The following PIEZO2 variants were observed in gnomAD, a reference collection of about 807,000 sequenced individuals.
PIEZO2 encodes piezo type mechanosensitive ion channel component 2, also known as piezo-type mechanosensitive ion channel component 2.
In PIEZO2, 172 loss-of-function variants were observed where a neutral mutation model predicts 337.3. That is an observed-to-expected ratio of 0.51 (90% CI 0.45 to 0.58). The LOEUF is 0.58. Among genes scored for constraint, PIEZO2 ranks in the 20% least tolerant of loss-of-function variants. The pLI is 0.00. For synonymous variants in PIEZO2, 1,251 were observed against 1,228.5 expected (o/e 1.02, Z -0.38); for missense variants, 3,028 against 3,391.3 (o/e 0.89, Z 2.66).
At position 10,762,515 on chromosome 18, in the gene PIEZO2, C is replaced by G. The variant is rs2038177395; in HGVS notation, c.3234G>C (p.Leu1078=). 1.3e-6 allele frequency: 2 copies of G among 1,537,108 alleles called. No homozygotes were observed. The highest frequency in any genetic ancestry group is 1.7e-6 in the Non-Finnish European group (2 of 1,146,912). ...EWVGLRKSSP[L]LVYLRNNLLM... Reference sequence around the variant, plus strand: ...AAGCCATTACCCTCAGGTAGACTAGCAGAGGCGAAGACTTCCGCAGGCCGA... The same window carrying G: ...AAGCCATTACCCTCAGGTAGACTAGGAGAGGCGAAGACTTCCGCAGGCCGA... The change falls in exon 23 of 56, where the codon CTG becomes CTC. Residue 1078 remains leucine, a synonymous_variant. Coordinates refer to ENST00000674853, the MANE Select transcript of PIEZO2 (RefSeq NM_001378183.1).
chr18:11,014,843 A>C (rs986260715), intron 2 of PIEZO2, among the ~76,000 whole-genome samples: 4 of 141,002 alleles, frequency 2.8e-5, no homozygotes, highest in African/African-American at 1.1e-4. Flanking sequence ...AGTGGAGAAC[A>C]TGTCACCCTG....
chr18:10,853,370 C>A lies in PIEZO2; in HGVS notation c.917+1983G>T, dbSNP rs754119736. ...CAAGTGTACTTCACTTCCTTTCATT[C>A]CTGCTCTAAAGCTTTTTAATACATT... On this transcript the variant is annotated intron_variant, in intron 7 of 55. Coordinates refer to ENST00000674853, the MANE Select transcript of PIEZO2 (RefSeq NM_001378183.1). The surrounding 1 kb of genome is among the most constrained non-coding windows in gnomAD (Gnocchi z 4.2). 6.6e-6 allele frequency among the ~76,000 whole-genome samples: 1 copy of A among 152,228 alleles called. No individual in the cohort carries two copies. The highest frequency in any genetic ancestry group is 2.4e-5 in the African/African-American group (1 of 41,458).
chr18:11,015,233 T>C (rs1327291216), intron 2 of PIEZO2, among the ~76,000 whole-genome samples: 2 of 147,398 alleles, frequency 1.4e-5, no homozygotes, highest in African/African-American at 2.5e-5. Context: ...TTCCTCAGTG[T>C]GGGGAAGATG....
In PIEZO2 at chr18:11,078,780, T is replaced by C. The variant is rs577532664; in HGVS notation, c.65-12558A>G. Among the ~76,000 whole-genome samples, 1 of 152,328 alleles carries C rather than the reference T, an allele frequency of 6.6e-6. No homozygotes were observed. Among genetic ancestry groups the C allele is most frequent in the African/African-American group, 2.4e-5 (1 of 41,586 alleles). On this transcript the variant is annotated intron_variant, in intron 1 of 55. Coordinates refer to ENST00000674853, the MANE Select transcript of PIEZO2 (RefSeq NM_001378183.1). The surrounding 1 kb of genome is among the most constrained non-coding windows in gnomAD (Gnocchi z 5.3). ...ATGAATGCCTCAAAATGAACCTCTTTTGCCAGATCTCTTCAGTCTCTACCT... is the reference window on the plus strand; with the variant it reads ...ATGAATGCCTCAAAATGAACCTCTTCTGCCAGATCTCTTCAGTCTCTACCT...
chr18:10,869,195 G>C (rs2144775518), intron 5 of PIEZO2, among the ~76,000 whole-genome samples: 1 of 152,268 alleles, frequency 6.6e-6, no homozygotes, highest in South Asian at 2.1e-4. Flanking sequence ...TATAGTATTA[G>C]TGTCTCTCTT....
At chr18:10,931,293 G>A (rs904606839) in intron 3 of PIEZO2, among the ~76,000 whole-genome samples, 2 of 152,114 alleles carry the variant, frequency 1.3e-5, no homozygotes, top group Non-Finnish European at 2.9e-5. Flanking sequence ...TCCGCCTCCT[G>A]GGTTCACACC....
At chr18:10,867,283 TCA>T (rs1295180423) in intron 5 of PIEZO2, among the ~76,000 whole-genome samples, 2 of 152,194 alleles carry the variant, frequency 1.3e-5, no homozygotes, top group Non-Finnish European at 2.9e-5. Flanking sequence ...TTGATTTCTC[TCA>T]GTCTTTGTCT....
In PIEZO2 at chr18:10,982,233, G is replaced by C. The variant is rs1178772029; in HGVS notation, c.161-2573C>G. On this transcript the variant is annotated intron_variant, in intron 2 of 55. Coordinates refer to ENST00000674853, the MANE Select transcript of PIEZO2 (RefSeq NM_001378183.1). This position sits in a 1 kb window ranked among gnomAD's most constrained non-coding sequence, Gnocchi z 4.1. The stretch of plus-strand genomic sequence containing the variant: ...CTAGGTGTATTCGGGTTCTCTAGAG[G>C]GACAGGACTAATAAGATAGATGCAT... 6.6e-6 allele frequency among the ~76,000 whole-genome samples: 1 copy of C among 151,982 alleles called. No individual in the cohort carries two copies. Among genetic ancestry groups the C allele is most frequent in the Non-Finnish European group, 1.5e-5 (1 of 68,000 alleles).
Position 11,028,295 on chromosome 18 carries a change from T to C in PIEZO2, c.160+37832A>G, listed in dbSNP as rs1250000995. Among the ~76,000 whole-genome samples the C allele has an allele frequency of 6.6e-6, 1 of 152,112 alleles. No individual in the cohort carries two copies. Among genetic ancestry groups the C allele is most frequent in the Non-Finnish European group, 1.5e-5 (1 of 68,018 alleles). ...TTTTATTTTTTGAGACAGAGTCACT[T>C]TGTTGCCCATGCTGGAGTGCAATGG... On this transcript the variant is annotated intron_variant, in intron 2 of 55. Coordinates refer to ENST00000674853, the MANE Select transcript of PIEZO2 (RefSeq NM_001378183.1). This position sits in a 1 kb window ranked among gnomAD's most constrained non-coding sequence, Gnocchi z 4.8.
At chr18:10,827,793 C>G (rs2040720228) in intron 7 of PIEZO2, among the ~76,000 whole-genome samples, 1 of 152,210 alleles carries the variant, frequency 6.6e-6, no homozygotes, top group Non-Finnish European at 1.5e-5. Context: ...CTTCTCTCTA[C>G]CTGTCCTACT....
At position 10,760,983 on chromosome 18, in the gene PIEZO2, T is replaced by C. The variant is rs760156687; in HGVS notation, c.3378A>G (p.Leu1126=). 5.2e-6 allele frequency: 8 copies of C among 1,534,382 alleles called. No individual in the cohort carries two copies. In the African/African-American group the frequency reaches 8.2e-5, roughly 16 times the overall value. The change falls in exon 24 of 56, where the codon CTA becomes CTG. Residue 1126 remains leucine, a synonymous_variant. Coordinates refer to ENST00000674853, the MANE Select transcript of PIEZO2 (RefSeq NM_001378183.1). The part of the protein sequence containing the change: ...SRTIFHDITR[L]HLDDGLINCA... ...AATTAATAAGTCCATCATCTAGATG[T>C]AGTCTTGTAATGTCATGAAAGATAG...
At chr18:11,064,154 T>C (rs954459390) in intron 2 of PIEZO2, among the ~76,000 whole-genome samples, 2 of 152,202 alleles carry the variant, frequency 1.3e-5, no homozygotes, top group Non-Finnish European at 2.9e-5. Flanking sequence ...TAACACAAGA[T>C]GCCTCAAAAC....
In PIEZO2 at chr18:10,715,823, G is replaced by A. The variant is rs1450139134; in HGVS notation, c.5090-7C>T. 6.6e-7 allele frequency: 1 copy of A among 1,512,456 alleles called. No homozygotes were observed. The highest frequency in any genetic ancestry group is 2.5e-5 in the East Asian group (1 of 40,700). 93.7% of individuals were successfully genotyped at this position (1,512,456 alleles called of 1,614,324 possible). A position where few individuals can be genotyped will look rare whatever the true frequency, so the allele number is the denominator to read the frequency against. On this transcript the variant is annotated splice_region_variant and splice_polypyrimidine_tract_variant and intron_variant, in intron 37 of 55. Transcript: ENST00000674853. ...ATCCTCTTGATGATATTATCTAGGAGGAAGAAAGGCAACAAGATGTTAAAG... is the reference window on the plus strand; with the variant it reads ...ATCCTCTTGATGATATTATCTAGGAAGAAGAAAGGCAACAAGATGTTAAAG...
Position 10,672,280 on chromosome 18 carries a change from G to A in PIEZO2, c.8345+410C>T, listed in dbSNP as rs118159800. Among the ~76,000 whole-genome samples, 819 of 152,244 alleles carry A rather than the reference G, an allele frequency of 5.4e-3. 8 individuals are homozygous for A. Among genetic ancestry groups the A allele is most frequent in the Middle Eastern group, 0.014 (4 of 294 alleles). ...ACATTTGTGTCTTGTGGGGATGTGCGTGTCCTAGGATTTAAGCATCAGAAC... is the reference window on the plus strand; with the variant it reads ...ACATTTGTGTCTTGTGGGGATGTGCATGTCCTAGGATTTAAGCATCAGAAC... On this transcript the variant is annotated intron_variant, in intron 55 of 55. Coordinates refer to ENST00000674853, the MANE Select transcript of PIEZO2 (RefSeq NM_001378183.1). This position sits in a 1 kb window ranked among gnomAD's most constrained non-coding sequence, Gnocchi z 4.7.
In PIEZO2 at chr18:11,131,655, T is replaced by G. The variant is rs976801833; in HGVS notation, c.64+16870A>C. Among the ~76,000 whole-genome samples the G allele has an allele frequency of 6.6e-6, 1 of 152,206 alleles. No individual in the cohort carries two copies. Among genetic ancestry groups the G allele is most frequent in the Non-Finnish European group, 1.5e-5 (1 of 68,036 alleles). On this transcript the variant is annotated intron_variant, in intron 1 of 55. Transcript: ENST00000674853. This position sits in a 1 kb window ranked among gnomAD's most constrained non-coding sequence, Gnocchi z 5.3. ...TGTGATTATATACTGATTAATGGGA[T>G]GTAGCCAATGTTTTGGCTGGATGGT...
At chr18:10,791,567 G>A (rs1168914842) in intron 13 of PIEZO2, 1 of 279,546 alleles carries the variant, frequency 3.6e-6, no homozygotes, top group African/African-American at 2.2e-5. Context: ...TGAGGAAGAT[G>A]AACCCAACCT....
intron 47 of PIEZO2, among the ~76,000 whole-genome samples, chr18:10,694,907 G>T (rs1210708361): frequency 6.6e-6 from 1 of 152,102 alleles, no homozygotes; most frequent in African/African-American, 2.4e-5. Flanking sequence ...AGTTCCAGAG[G>T]AGGCTTTCAG....
chr18:10,757,003 A>T, intron 27 of PIEZO2, among the ~76,000 whole-genome samples: 1 of 66,630 alleles, frequency 1.5e-5, no homozygotes, highest in African/African-American at 1.5e-4. Context: ...GGAATGCAGG[A>T]TGAGAAGAAG....
chr18:10,948,012 A>T (rs2033112337), intron 3 of PIEZO2, among the ~76,000 whole-genome samples: 1 of 152,150 alleles, frequency 6.6e-6, no homozygotes, highest in African/African-American at 2.4e-5. Context: ...GAAAAGAAAA[A>T]AGAAAGAAAA....
Sources: gnomAD v4.1 joint callset for allele counts (sites outside exome capture counted in the v4.1 genomes callset) on GRCh38, gnomAD v4.1.1 for gene constraint, Gnocchi (gnomAD v3.1) non-coding constraint, MANE v1.5 for transcripts, NCBI Gene and HGNC (gene_info 2026-07-23, HGNC 2026-07-21) for gene names.